Variants in MSRA observed in about 807,000 individuals in gnomAD.
MSRA encodes the protein methionine sulfoxide reductase A, also known as mitochondrial peptide methionine sulfoxide reductase.
MSRA carries 54 observed loss-of-function variants against 31.3 expected under a neutral mutation model. The ratio of observed to expected loss-of-function variants is 1.73; its 90% CI spans 1.39 to 2.17. The LOEUF (loss-of-function observed/expected upper bound fraction) is 2.17. Among genes scored for constraint, MSRA ranks in the 30% most tolerant of loss-of-function variants. MSRA has a pLI of 0.00. For synonymous variants in MSRA, 169 were observed against 116.5 expected (o/e 1.45, Z -2.90); for missense variants, 507 against 300.9 (o/e 1.69, Z -5.07).
intron 1 of MSRA, among the ~76,000 whole-genome samples, chr8:10,161,457 C>G (rs1267783763): frequency 6.6e-6 from 1 of 152,160 alleles, no homozygotes; most frequent in African/African-American, 2.4e-5. Flanking sequence ...CATAGAAGCG[C>G]TAAGTAGGGC....
intron 1 of MSRA, among the ~76,000 whole-genome samples, chr8:10,146,358 C>A (rs1446301082): frequency 1.3e-5 from 2 of 152,094 alleles, no homozygotes; most frequent in African/African-American, 4.8e-5. Context: ...AAAGACATCC[C>A]CAGAAGGGTG....
chr8:10,191,975 G>T (rs56883717), intron 1 of MSRA, among the ~76,000 whole-genome samples: 1 of 151,966 alleles, frequency 6.6e-6, no homozygotes, highest in East Asian at 1.9e-4. Context: ...TGTTCCTCAC[G>T]AGGCTGCAGT....
At chr8:10,213,856 G>A (rs983477317) in intron 2 of MSRA, among the ~76,000 whole-genome samples, 8 of 152,224 alleles carry the variant, frequency 5.3e-5, no homozygotes, top group African/African-American at 1.9e-4. Flanking sequence ...CAGTGGGATT[G>A]CTGGATCTGA....
intron 4 of MSRA, among the ~76,000 whole-genome samples, chr8:10,311,800 C>G (rs1801449467): frequency 6.6e-6 from 1 of 151,928 alleles, no homozygotes. Flanking sequence ...CCCTGTAGTC[C>G]CAGCTACTCA....
chr8:10,351,315 G>A (rs1214584575), intron 5 of MSRA, among the ~76,000 whole-genome samples: 5 of 142,658 alleles, frequency 3.5e-5, no homozygotes, highest in Non-Finnish European at 6.0e-5. Flanking sequence ...ATGCAGTGGC[G>A]TGATCTTGGC....
chr8:10,378,665 C>G (rs897194764), intron 5 of MSRA, among the ~76,000 whole-genome samples: 1 of 152,228 alleles, frequency 6.6e-6, no homozygotes, highest in Admixed American at 6.5e-5. Context: ...CATTCAACAG[C>G]CAGTGATTCT....
chr8:10,378,360 C>T (rs943129195), intron 5 of MSRA, among the ~76,000 whole-genome samples: 3 of 152,168 alleles, frequency 2.0e-5, no homozygotes, highest in African/African-American at 7.2e-5. Context: ...CAAGGAACAT[C>T]TTTAGGGAGC....
intron 4 of MSRA, among the ~76,000 whole-genome samples, chr8:10,316,097 C>G (rs974678954): frequency 2.6e-5 from 4 of 152,194 alleles, no homozygotes; most frequent in Non-Finnish European, 5.9e-5. Flanking sequence ...ACTATTTCAT[C>G]TCCCTTGAGA....
At chr8:10,410,031 C>A (rs1252108321) in intron 5 of MSRA, among the ~76,000 whole-genome samples, 1 of 152,160 alleles carries the variant, frequency 6.6e-6, no homozygotes, top group Non-Finnish European at 1.5e-5. Context: ...CTGCACTCCC[C>A]CCTGGGTTAC....
At chr8:10,271,065 C>CTTT (rs71837112) in intron 3 of MSRA, among the ~76,000 whole-genome samples, 1 of 142,850 alleles carries the variant, frequency 7.0e-6, no homozygotes, top group African/African-American at 2.6e-5. Flanking sequence ...GTTCTTTCTT[C>CTTT]TTTTTTTTTT....
chr8:10,089,935 C>T (rs942775609), intron 1 of MSRA, among the ~76,000 whole-genome samples: 10 of 152,172 alleles, frequency 6.6e-5, no homozygotes, highest in African/African-American at 2.4e-4. Flanking sequence ...AGCCGAACAC[C>T]TTCCACGAGG....
At chr8:10,167,643 G>C (rs752356352) in intron 1 of MSRA, among the ~76,000 whole-genome samples, 4 of 152,108 alleles carry the variant, frequency 2.6e-5, no homozygotes, top group Non-Finnish European at 5.9e-5. Flanking sequence ...GGGGAGGAGC[G>C]TACTTAGCAT....
At chr8:10,394,205 A>C (rs2001365) in intron 5 of MSRA, among the ~76,000 whole-genome samples, 1 of 152,082 alleles carries the variant, frequency 6.6e-6, no homozygotes, top group Non-Finnish European at 1.5e-5. Context: ...GGGCCATTCA[A>C]TGTTTTTATT....
At chr8:10,411,476 T>G (rs1449996858) in intron 5 of MSRA, 1 of 148,906 alleles carries the variant, frequency 6.7e-6, no homozygotes, top group Non-Finnish European at 1.5e-5. Flanking sequence ...AGTCTTATTT[T>G]TAGTTTCCTT....
intron 1 of MSRA, among the ~76,000 whole-genome samples, chr8:10,083,684 T>G (rs928637116): frequency 6.6e-6 from 1 of 151,336 alleles, no homozygotes; most frequent in Non-Finnish European, 1.5e-5. Flanking sequence ...TTCAAAGAGG[T>G]TTTTTTTTCC....
At chr8:10,056,871 G>C (rs746642353) in intron 1 of MSRA, among the ~76,000 whole-genome samples, 3 of 152,124 alleles carry the variant, frequency 2.0e-5, no homozygotes, top group African/African-American at 7.2e-5. Flanking sequence ...ACCCTCAAAA[G>C]TTGCGTGACA....
At chr8:10,401,109 A>AG (rs1037350756) in intron 5 of MSRA, among the ~76,000 whole-genome samples, 9 of 152,068 alleles carry the variant, frequency 5.9e-5, no homozygotes, top group African/African-American at 2.2e-4. Flanking sequence ...GAATATAAAA[A>AG]AAAACAACCC....
intron 1 of MSRA, among the ~76,000 whole-genome samples, chr8:10,137,550 C>G (rs559982124): frequency 6.6e-6 from 1 of 152,310 alleles, no homozygotes; most frequent in African/African-American, 2.4e-5. Context: ...AACGAACTAA[C>G]CCATTAGAAA....
intron 3 of MSRA, among the ~76,000 whole-genome samples, chr8:10,272,497 A>G (rs1233855500): frequency 1.3e-5 from 2 of 152,190 alleles, no homozygotes; most frequent in Non-Finnish European, 2.9e-5. Flanking sequence ...CAGGCCTTCA[A>G]CTTACTGGGT....
Sources: gnomAD v4.1 joint callset for allele counts (sites outside exome capture counted in the v4.1 genomes callset) on GRCh38, gnomAD v4.1.1 for gene constraint, MANE v1.5 for transcripts, NCBI Gene and HGNC (gene_info 2026-07-23, HGNC 2026-07-21) for gene names.